PTGES3: variants seen among roughly 807,000 people sequenced by gnomAD.
The protein encoded by PTGES3 is prostaglandin E synthase 3.
In PTGES3, 5 loss-of-function variants were observed where a neutral mutation model predicts 29.9. The ratio of observed to expected loss-of-function variants is 0.17; its 90% CI spans 0.09 to 0.35. The LOEUF is 0.35. Ranked by LOEUF, PTGES3 falls within the 10% of genes least tolerant of loss-of-function variation. The pLI is 1.00. For synonymous variants in PTGES3, 49 were observed against 57.8 expected (o/e 0.85, Z 0.69); for missense variants, 128 against 190.0 (o/e 0.67, Z 1.92).
Position 56,688,170 on chromosome 12 carries a change from A to G in PTGES3, c.-171T>C. The G allele has an allele frequency of 8.2e-7, 1 of 1,220,704 alleles. No individual in the cohort carries two copies. The highest frequency in any genetic ancestry group is 1.8e-5 in the South Asian group (1 of 56,352). 75.6% of individuals were successfully genotyped at this position (1,220,704 alleles called of 1,614,324 possible). On this transcript the variant is annotated 5_prime_UTR_variant, in exon 1 of 8. Coordinates refer to ENST00000262033, the MANE Select transcript of PTGES3 (RefSeq NM_006601.7). ...AGCGGCGGGCTCGACCTCGGGCCCC[A>G]GAATGCACCGCGCGGAAAGAGCGGC... is the stretch of plus-strand genomic sequence containing the variant.
At chr12:56,665,284 C>CTTT (rs59007550) in intron 6 of PTGES3, 48 of 807,230 alleles carry the variant, frequency 5.9e-5, no homozygotes, top group African/African-American at 1.9e-4. Flanking sequence ...CAATGTCCAT[C>CTTT]TTTTTTTTTT....
chr12:56,673,789 CAA>C (rs57371154), intron 1 of PTGES3, among the ~76,000 whole-genome samples: 37,963 of 91,524 alleles, frequency 0.41, 6,296 homozygotes, highest in South Asian at 0.52. Context: ...GAGACTGTCT[CAA>C]AAAAAAAAAA....
intron 1 of PTGES3, 79 bp downstream of exon 1, chr12:56,687,918 TA>T: frequency 6.2e-7 from 1 of 1,602,526 alleles, no homozygotes; most frequent in Non-Finnish European, 8.5e-7. Flanking sequence ...CGAGAAAGGC[TA>T]GGGGGCCGCT....
In PTGES3 at chr12:56,679,109, CCTGA is replaced by C. The variant is rs951630889; in HGVS notation, c.3-6048_3-6045del. ...TCCAGCCTGGGCCACATAGCAAGAC[CCTGA>C]CTTAGAGAAGCATGGAGACCAGGAG... On this transcript the variant is annotated intron_variant, in intron 1 of 7. Transcript: ENST00000262033. 2.0e-5 allele frequency among the ~76,000 whole-genome samples: 3 copies of C among 150,038 alleles called. No individual in the cohort carries two copies. The East Asian group carries it at 5.9e-4, about 30-fold the overall frequency.
At chr12:56,671,727 A>G (rs1466203635) in intron 4 of PTGES3, 22 bp downstream of exon 4, 1 of 1,446,124 alleles carries the variant, frequency 6.9e-7, no homozygotes, top group Non-Finnish European at 9.3e-7. Context: ...CAAACTTTTC[A>G]AAAAAGGAAA....
At chr12:56,684,497 A>G (rs1236218690) in intron 1 of PTGES3, among the ~76,000 whole-genome samples, 1 of 152,204 alleles carries the variant, frequency 6.6e-6, no homozygotes, top group African/African-American at 2.4e-5. Context: ...AAGATGGACA[A>G]TTTTATTTTG....
In PTGES3 at chr12:56,671,767, T is replaced by A; in HGVS notation, c.267A>T (p.Leu89Phe). 1.3e-6 allele frequency: 2 copies of A among 1,554,016 alleles called. No individual in the cohort carries two copies. Among genetic ancestry groups the A allele is most frequent in the Non-Finnish European group, 1.7e-6 (2 of 1,150,716 alleles). ...AACCTACCTTTGCCCTTTCTTTTGT[T>A]AACCTTGGCCATGACTGGCCAGATT... The part of the protein sequence containing the change: ...KGESGQSWPR[L>F]TKERAKLNWL... Residue 89 changes from leucine (L) to phenylalanine (F), a missense_variant, in exon 4 of 8, where the codon TTA (leucine) becomes TTT (phenylalanine). Coordinates refer to ENST00000262033, the MANE Select transcript of PTGES3 (RefSeq NM_006601.7).
intron 1 of PTGES3, among the ~76,000 whole-genome samples, chr12:56,681,792 G>A (rs1332742678): frequency 6.6e-6 from 1 of 151,672 alleles, no homozygotes; most frequent in Non-Finnish European, 1.5e-5. Flanking sequence ...AGGAGGCAGA[G>A]CTTGCAGTGA....
At position 56,688,147 on chromosome 12, in the gene PTGES3, C is replaced by G; in HGVS notation, c.-148G>C. ...CGCTTCCCTCAGGCGACGGCGGCAG[C>G]GGCGGGCTCGACCTCGGGCCCCAGA... On this transcript the variant is annotated 5_prime_UTR_variant, in exon 1 of 8. Transcript: ENST00000262033. 5.1e-6 allele frequency: 7 copies of G among 1,366,210 alleles called. No homozygotes were observed. The highest frequency in any genetic ancestry group is 5.7e-6 in the Non-Finnish European group (6 of 1,055,980). The allele number at this position is 1,366,210 out of a possible 1,614,324, so 84.6% of individuals were successfully genotyped here.
chr12:56,680,381 T>G (rs937007702), intron 1 of PTGES3, among the ~76,000 whole-genome samples: 2 of 148,962 alleles, frequency 1.3e-5, no homozygotes, highest in African/African-American at 5.0e-5. Context: ...AACCCAATTT[T>G]CTTTCTTTTT....
chr12:56,677,068 CGTCTCTACTAAAAATGTAAAAA>C (rs1265935197), intron 1 of PTGES3, among the ~76,000 whole-genome samples: 2 of 151,608 alleles, frequency 1.3e-5, no homozygotes, highest in African/African-American at 2.4e-5. Flanking sequence ...GGTGAAATCC[CGTCTCTACTAAAAATGTAAAAA>C]TTAGCTGGGC....
intron 1 of PTGES3, among the ~76,000 whole-genome samples, chr12:56,685,048 G>GGA (rs1592286398): frequency 6.6e-6 from 1 of 152,102 alleles, no homozygotes; most frequent in East Asian, 1.9e-4. Flanking sequence ...CTTGAGCCCG[G>GGA]GAGGTAGAGG....
At chr12:56,686,331 A>T (rs1952849388) in intron 1 of PTGES3, among the ~76,000 whole-genome samples, 1 of 152,008 alleles carries the variant, frequency 6.6e-6, no homozygotes, top group South Asian at 2.1e-4. Context: ...TACTTAGGAG[A>T]GCTTTCAAAT....
chr12:56,672,299 T>G (rs535051461), intron 3 of PTGES3, among the ~76,000 whole-genome samples: 82 of 150,022 alleles, frequency 5.5e-4, no homozygotes, highest in Non-Finnish European at 9.8e-4. Context: ...AGGTCAGGAG[T>G]TTGAGACCAG....
intron 1 of PTGES3, among the ~76,000 whole-genome samples, chr12:56,681,436 G>A (rs1463116508): frequency 6.6e-6 from 1 of 150,568 alleles, no homozygotes; most frequent in Non-Finnish European, 1.5e-5. Context: ...TACTCGGGAG[G>A]CTGAGGCAGG....
intron 5 of PTGES3, among the ~76,000 whole-genome samples, chr12:56,667,651 A>C (rs1951838836): frequency 6.6e-6 from 1 of 152,224 alleles, no homozygotes; most frequent in Non-Finnish European, 1.5e-5. Context: ...ACAAAAATAG[A>C]GAGTAGAATG....
At chr12:56,667,575 A>AT (rs933603536) in intron 5 of PTGES3, among the ~76,000 whole-genome samples, 2 of 152,212 alleles carry the variant, frequency 1.3e-5, no homozygotes, top group African/African-American at 4.8e-5. Context: ...CACAGGACAA[A>AT]TACTGCATGA....
chr12:56,680,019 T>C (rs1952451546), intron 1 of PTGES3, among the ~76,000 whole-genome samples: 1 of 151,774 alleles, frequency 6.6e-6, no homozygotes, highest in South Asian at 2.1e-4. Context: ...GTAATCCTCA[T>C]GGAAGGCAAA....
chr12:56,665,059 A>T (rs1951735161), intron 6 of PTGES3: 1 of 985,298 alleles, frequency 1.0e-6, no homozygotes, highest in South Asian at 4.7e-5. Flanking sequence ...ATCCATTCCT[A>T]AATTAACCTA....
Sources: gnomAD v4.1 joint callset for allele counts (sites outside exome capture counted in the v4.1 genomes callset) on GRCh38, gnomAD v4.1.1 for gene constraint, MANE v1.5 for transcripts, NCBI Gene and HGNC (gene_info 2026-07-23, HGNC 2026-07-21) for gene names.